The following NCOA3 variants were observed in gnomAD, a reference collection of about 807,000 sequenced individuals.
NCOA3 encodes the protein nuclear receptor coactivator 3.
In NCOA3, 51 loss-of-function variants were observed where a neutral mutation model predicts 158.8. The observed-to-expected ratio is 0.32, with a 90% CI of 0.26 to 0.41. The LOEUF (loss-of-function observed/expected upper bound fraction) is 0.41, where lower values mean the gene tolerates loss of function less well. Ranked by LOEUF, NCOA3 falls within the 10% of genes least tolerant of loss-of-function variation. NCOA3 has a pLI of 1.00. For synonymous variants in NCOA3, 537 were observed against 592.4 expected (o/e 0.91, Z 1.36); for missense variants, 1,510 against 1,746.6 (o/e 0.86, Z 2.41).
intron 1 of NCOA3, among the ~76,000 whole-genome samples, chr20:47,525,311 G>A (rs1434326759): frequency 6.6e-6 from 1 of 150,682 alleles, no homozygotes; most frequent in East Asian, 2.0e-4. Flanking sequence ...AGAACAAAAT[G>A]AAAAGTCTCC....
intron 1 of NCOA3, among the ~76,000 whole-genome samples, chr20:47,572,080 A>G (rs531443495): frequency 2.0e-4 from 31 of 152,062 alleles, no homozygotes; most frequent in African/African-American, 7.5e-4. Context: ...TCATGAAGCA[A>G]CCTCTTCTAA....
At chr20:47,624,449 A>G (rs1265099265) in intron 4 of NCOA3, among the ~76,000 whole-genome samples, 2 of 152,166 alleles carry the variant, frequency 1.3e-5, no homozygotes, top group African/African-American at 4.8e-5. Flanking sequence ...TAAGATTTGC[A>G]CACCTGTGAG....
chr20:47,635,901 T>C lies in NCOA3; in HGVS notation c.1515T>C (p.Ser505=), dbSNP rs1311623281. 1.7e-5 allele frequency: 27 copies of C among 1,611,998 alleles called. No homozygotes were observed. The highest frequency in any genetic ancestry group is 2.2e-5 in the Non-Finnish European group (26 of 1,179,036). Reference sequence around the variant, plus strand: ...TTTTTTCAAATTCAGGTGTGCACTCTCCCATGGCATCTTCTGGCAATACTG... The same window carrying C: ...TTTTTTCAAATTCAGGTGTGCACTCCCCCATGGCATCTTCTGGCAATACTG... ...HQFSPVAGVH[S]PMASSGNTGN... The change falls in exon 12 of 23, where the codon TCT becomes TCC. Residue 505 remains serine (S), a synonymous_variant. Transcript: ENST00000371998.
At chr20:47,562,264 A>G (rs545699003) in intron 1 of NCOA3, among the ~76,000 whole-genome samples, 3 of 152,222 alleles carry the variant, frequency 2.0e-5, no homozygotes, top group Non-Finnish European at 4.4e-5. Flanking sequence ...CTTTGGGTAA[A>G]ACACCAAGGA....
intron 2 of NCOA3, among the ~76,000 whole-genome samples, chr20:47,606,536 C>T (rs936551559): frequency 6.6e-6 from 1 of 152,172 alleles, no homozygotes; most frequent in African/African-American, 2.4e-5. Context: ...AGCAACACTA[C>T]ACCTGGCCCT....
At chr20:47,591,789 G>A (rs749838262) in intron 2 of NCOA3, among the ~76,000 whole-genome samples, 1 of 150,512 alleles carries the variant, frequency 6.6e-6, no homozygotes, top group Admixed American at 6.6e-5. Flanking sequence ...TTCTCAGTAT[G>A]TGTGGTCTTT....
chr20:47,518,217 G>A (rs565427821), intron 1 of NCOA3, among the ~76,000 whole-genome samples: 1 of 151,562 alleles, frequency 6.6e-6, no homozygotes, highest in Non-Finnish European at 1.5e-5. Context: ...ATGGTGGTGC[G>A]CACCTGTAAT....
At chr20:47,633,971 A>G (rs768825253) in intron 9 of NCOA3, 77 bp from the exon 10 acceptor site, 3 of 1,523,384 alleles carry the variant, frequency 2.0e-6, no homozygotes. Context: ...CTTGAAGTAT[A>G]TTTCCTCCCT....
chr20:47,526,577 A>G (rs928777684), intron 1 of NCOA3, among the ~76,000 whole-genome samples: 2 of 152,226 alleles, frequency 1.3e-5, no homozygotes, highest in South Asian at 2.1e-4. Flanking sequence ...CGGCCAACAC[A>G]GCGAAACCCC....
rs1456776013 is a variant in NCOA3 at position 47,522,868 on chromosome 20, C to T, written c.-99+20849C>T. On this transcript the variant is annotated intron_variant, in intron 1 of 22. Transcript: ENST00000371998. ...CCTGGCTCTAAGAGCTGAGGCTTTACGAGAAACTTTTCCAGAGATGCTTTA... is the reference window on the plus strand; with the variant it reads ...CCTGGCTCTAAGAGCTGAGGCTTTATGAGAAACTTTTCCAGAGATGCTTTA... Among the ~76,000 whole-genome samples, 4 of 149,506 alleles carry T rather than the reference C, an allele frequency of 2.7e-5. No homozygotes were observed. In the South Asian group the frequency reaches 6.3e-4, roughly 24 times the overall value.
chr20:47,641,490 CTTTTTTTTTTT>C (rs71183270), intron 16 of NCOA3, among the ~76,000 whole-genome samples: 22 of 48,344 alleles, frequency 4.6e-4, no homozygotes, highest in African/African-American at 1.9e-3. Flanking sequence ...TGGCTCCCTT[CTTTTTTTTTTT>C]TTTTTTTTTT....
chr20:47,513,279 C>T (rs1343903551), intron 1 of NCOA3, among the ~76,000 whole-genome samples: 1 of 152,176 alleles, frequency 6.6e-6, no homozygotes, highest in African/African-American at 2.4e-5. Context: ...TAGGTCCACA[C>T]ACTACCCTAT....
At chr20:47,595,129 C>T (rs893809634) in intron 2 of NCOA3, among the ~76,000 whole-genome samples, 8 of 145,338 alleles carry the variant, frequency 5.5e-5, no homozygotes, top group Non-Finnish European at 1.2e-4. Flanking sequence ...AAGACACTCT[C>T]ACTCTGTCAC....
rs1028617684 is a variant in NCOA3, at chr20:47,512,625, G to C, written c.-99+10606G>C. On this transcript the variant is annotated intron_variant, in intron 1 of 22. Transcript: ENST00000371998. ...ATATACAGAGACTTCACAGAAAAAA[G>C]GTACACCAGTGGCAAGTAAGTACGA... Among the ~76,000 whole-genome samples the C allele has an allele frequency of 2.0e-5, 3 of 148,490 alleles. No homozygotes were observed. The East Asian group carries it at 5.9e-4, about 29-fold the overall frequency.
intron 16 of NCOA3, among the ~76,000 whole-genome samples, chr20:47,641,610 C>T (rs1312497918): frequency 2.0e-5 from 3 of 150,100 alleles, no homozygotes; most frequent in East Asian, 2.0e-4. Flanking sequence ...ATGCCATTCC[C>T]GCCTCAGCCT....
Position 47,619,888 on chromosome 20 carries a change from C to T in NCOA3, c.-19-2341C>T, listed in dbSNP as rs376619834. On this transcript the variant is annotated intron_variant, in intron 2 of 22. Coordinates refer to ENST00000371998, the MANE Select transcript of NCOA3 (RefSeq NM_181659.3). ...TCAGCTCACTGCAACCTCCGCCTTC[C>T]GGGTTCATGCGATTCTCCTGCCTCA... 4.1e-4 allele frequency among the ~76,000 whole-genome samples: 62 copies of T among 151,490 alleles called. 1 individual carries two copies. In the East Asian group the frequency reaches 8.5e-3, roughly 21 times the overall value.
At chr20:47,609,666 T>C (rs2086012307) in intron 2 of NCOA3, among the ~76,000 whole-genome samples, 1 of 151,192 alleles carries the variant, frequency 6.6e-6, no homozygotes, top group South Asian at 2.1e-4. Flanking sequence ...GAGGCAGAGA[T>C]TGTGGTGAGC....
At chr20:47,525,603 G>A (rs1230063495) in intron 1 of NCOA3, among the ~76,000 whole-genome samples, 5 of 141,020 alleles carry the variant, frequency 3.5e-5, no homozygotes, top group African/African-American at 1.1e-4. Context: ...GCGGCTGGCC[G>A]GGCGGGGGGC....
At chr20:47,628,669 C>T (rs965191814) in intron 8 of NCOA3, 1 of 152,146 alleles carries the variant, frequency 6.6e-6, no homozygotes, top group African/African-American at 2.4e-5. Flanking sequence ...GCCTCAGCCT[C>T]CCAAAATGCT....
Sources: allele counts gnomAD v4.1 joint callset (sites outside exome capture counted in the v4.1 genomes callset), GRCh38; gene constraint gnomAD v4.1.1; transcripts MANE v1.5; gene names NCBI Gene and HGNC (gene_info 2026-07-23, HGNC 2026-07-21).